The following UNC13C variants were observed in gnomAD, a reference collection of about 807,000 sequenced individuals.
UNC13C encodes unc-13 homolog C, also known as protein unc-13 homolog C.
A neutral mutation model predicts 245.4 loss-of-function variants in UNC13C; 174 were observed. That is an observed-to-expected ratio of 0.71 (90% CI 0.63 to 0.80). The LOEUF (loss-of-function observed/expected upper bound fraction) is 0.80, where lower values mean the gene tolerates loss of function less well. Among genes scored for constraint, UNC13C ranks in the 30% least tolerant of loss-of-function variants. The pLI is 0.00. For synonymous variants in UNC13C, 992 were observed against 895.1 expected, an observed-to-expected ratio of 1.11 and a Z score of -1.93; for missense variants, 2,829 against 2,602.9, an observed-to-expected ratio of 1.09 and a Z score of -1.89.
intron 4 of UNC13C, among the ~76,000 whole-genome samples, chr15:54,223,682 A>G (rs1288139345): frequency 6.6e-6 from 1 of 151,914 alleles, no homozygotes; most frequent in African/African-American, 2.4e-5. Flanking sequence ...GGGCATTAGT[A>G]TTTTGATAGG....
chr15:54,003,794 C>T (rs1468383691), intron 1 of UNC13C, among the ~76,000 whole-genome samples: 4 of 152,062 alleles, frequency 2.6e-5, no homozygotes, highest in African/African-American at 4.8e-5. Context: ...GGGTGGATCA[C>T]GAGGTCAGGA....
At chr15:54,519,500 C>G (rs1351032859) in intron 24 of UNC13C, among the ~76,000 whole-genome samples, 1 of 152,088 alleles carries the variant, frequency 6.6e-6, no homozygotes, top group African/African-American at 2.4e-5. Context: ...ACTGCATACT[C>G]TCTTTAATTA....
chr15:54,017,221 TG>T (rs150044100), intron 2 of UNC13C, among the ~76,000 whole-genome samples: 4,153 of 152,126 alleles, frequency 0.027, 188 homozygotes, highest in African/African-American at 0.096. Flanking sequence ...TTTGTGTTTT[TG>T]TTTTTTTTGC....
intron 18 of UNC13C, among the ~76,000 whole-genome samples, chr15:54,398,195 G>C (rs1469696324): frequency 6.6e-6 from 1 of 151,278 alleles, no homozygotes; most frequent in African/African-American, 2.4e-5. Flanking sequence ...TATCTTTTCT[G>C]CTCATAATAG....
the UNC13C span, among the ~76,000 whole-genome samples, chr15:53,961,050 T>C: frequency 1.3e-5 from 2 of 152,212 alleles, no homozygotes; most frequent in Admixed American, 6.5e-5. Context: ...GGGGCAAAAT[T>C]CAACTTTTGA....
chr15:54,089,008 G>A (rs1475751286), intron 2 of UNC13C, among the ~76,000 whole-genome samples: 2 of 152,132 alleles, frequency 1.3e-5, no homozygotes, highest in Non-Finnish European at 2.9e-5. Context: ...CCTTGGCAAT[G>A]TCATAGTCCT....
chr15:54,410,789 G>A (rs1440138489), intron 18 of UNC13C, among the ~76,000 whole-genome samples: 1 of 152,020 alleles, frequency 6.6e-6, no homozygotes, highest in Non-Finnish European at 1.5e-5. Flanking sequence ...GTTAGGTAGT[G>A]TGATATCTTT....
chr15:54,532,820 C>A, intron 25 of UNC13C, 97 bp from the exon 26 acceptor site: 1 of 804,096 alleles, frequency 1.2e-6, no homozygotes. Context: ...GGGGAATTCA[C>A]ACCAGTTGAA....
intron 2 of UNC13C, among the ~76,000 whole-genome samples, chr15:54,042,086 T>C (rs907896992): frequency 6.6e-6 from 1 of 152,286 alleles, no homozygotes; most frequent in Middle Eastern, 3.4e-3. Flanking sequence ...AAATTTGGGG[T>C]GCTTAACTGG....
intron 1 of UNC13C, among the ~76,000 whole-genome samples, chr15:53,994,278 AT>A: frequency 6.6e-6 from 1 of 151,926 alleles, no homozygotes; most frequent in East Asian, 1.9e-4. Context: ...AACGTACTCT[AT>A]CTTTGCAGAA....
At chr15:54,565,838 A>C (rs1367671953) in intron 29 of UNC13C, among the ~76,000 whole-genome samples, 1 of 152,008 alleles carries the variant, frequency 6.6e-6, no homozygotes, top group Admixed American at 6.6e-5. Context: ...AAATAACGCA[A>C]ATGTGTATCA....
At chr15:54,121,497 T>C (rs972185272) in intron 2 of UNC13C, among the ~76,000 whole-genome samples, 5 of 151,910 alleles carry the variant, frequency 3.3e-5, no homozygotes, top group African/African-American at 1.2e-4. Context: ...GGTATGCCTG[T>C]GTGTGTGTGT....
At position 53,987,188 on chromosome 15, in the gene UNC13C, G is replaced by T. The variant is rs115208329; in HGVS notation, c.-257+8261G>T. Among the ~76,000 whole-genome samples, 267 of 152,090 alleles carry T rather than the reference G, an allele frequency of 1.8e-3. 1 individual carries two copies. Among genetic ancestry groups the T allele is most frequent in the African/African-American group, 6.1e-3 (252 of 41,520 alleles). ...CCTAATTATTTGAAATTGATAAACA[G>T]ATATTTTAGATAAATAGGCATTTCT... is the stretch of plus-strand genomic sequence containing the variant. On this transcript the variant is annotated intron_variant, in intron 1 of 32. Coordinates refer to ENST00000260323, the MANE Select transcript of UNC13C (RefSeq NM_001080534.3).
At chr15:54,573,966 T>C (rs1897858573) in intron 30 of UNC13C, among the ~76,000 whole-genome samples, 1 of 152,164 alleles carries the variant, frequency 6.6e-6, no homozygotes, top group Non-Finnish European at 1.5e-5. Flanking sequence ...CATGAGAAGG[T>C]AGAAGAAGAA....
At chr15:54,527,112 G>GTTAGC (rs79445531) in intron 25 of UNC13C, among the ~76,000 whole-genome samples, 13,601 of 152,114 alleles carry the variant, frequency 0.089, 722 homozygotes, top group African/African-American at 0.14. Context: ...CTGCAGTGTT[G>GTTAGC]TTAGCTGATT....
At chr15:54,580,345 A>C (rs138126856) in intron 30 of UNC13C, among the ~76,000 whole-genome samples, 152 of 152,366 alleles carry the variant, frequency 1.0e-3, no homozygotes, top group African/African-American at 3.5e-3. Context: ...AAGGAATATA[A>C]GGTATGTTAA....
the UNC13C span, among the ~76,000 whole-genome samples, chr15:53,893,773 T>C: frequency 6.6e-6 from 1 of 152,098 alleles, no homozygotes; most frequent in Admixed American, 6.5e-5. Flanking sequence ...AGCCAGTGGA[T>C]CTTAGTTTGC....
intron 4 of UNC13C, among the ~76,000 whole-genome samples, chr15:54,226,535 A>T (rs559398386): frequency 1.3e-5 from 2 of 152,176 alleles, no homozygotes; most frequent in South Asian, 2.1e-4. Context: ...ATTGCTTATG[A>T]CCACTTACCT....
intron 30 of UNC13C, among the ~76,000 whole-genome samples, chr15:54,605,626 G>C (rs374556969): frequency 1.3e-5 from 2 of 152,124 alleles, no homozygotes; most frequent in Non-Finnish European, 2.9e-5. Flanking sequence ...GGTGTTTCCA[G>C]TATACAGAGA....
Sources: allele counts gnomAD v4.1 joint callset (sites outside exome capture counted in the v4.1 genomes callset), GRCh38; gene constraint gnomAD v4.1.1; transcripts MANE v1.5; gene names NCBI Gene and HGNC (gene_info 2026-07-23, HGNC 2026-07-21).